The following TNKS variants were observed in gnomAD, a reference collection of about 807,000 sequenced individuals.
TNKS encodes the protein tankyrase.
A neutral mutation model predicts 135.8 loss-of-function variants in TNKS; 72 were observed. The observed-to-expected ratio is 0.53, with a 90% confidence interval of 0.44 to 0.64. The LOEUF (loss-of-function observed/expected upper bound fraction) is 0.64. Among genes scored for constraint, TNKS ranks in the 30% least tolerant of loss-of-function variants. The probability of loss-of-function intolerance (pLI) is 0.00; values close to 1 mark genes in which losing one functional copy is unlikely to be tolerated. For synonymous variants in TNKS, 849 were observed against 649.3 expected (o/e 1.31, Z -4.68); for missense variants, 1,769 against 1,674.0 (o/e 1.06, Z -0.99).
chr8:9,764,428 AATAAG>A lies in TNKS; in HGVS notation c.3373-279_3373-275del, dbSNP rs144989251. ...AATCAGAGTGTTAGTTCTTCTTCTCAATAAGATAAGATAGTAATTGTAGATGACTT... is the reference window on the plus strand; with the variant it reads ...AATCAGAGTGTTAGTTCTTCTTCTCAATAAGATAGTAATTGTAGATGACTT... On this transcript the variant is annotated intron_variant, in intron 22 of 26. Coordinates refer to ENST00000310430, the MANE Select transcript of TNKS (RefSeq NM_003747.3). Among the ~76,000 whole-genome samples the A allele has an allele frequency of 1.1e-3, 173 of 152,288 alleles. 1 individual carries two copies. Among genetic ancestry groups the A allele is most frequent in the African/African-American group, 4.0e-3 (168 of 41,572 alleles).
At chr8:9,562,172 T>C (rs1018523913) in intron 1 of TNKS, among the ~76,000 whole-genome samples, 4 of 152,070 alleles carry the variant, frequency 2.6e-5, no homozygotes, top group Non-Finnish European at 5.9e-5. Context: ...ACACTTCAGT[T>C]TTATTCAGTT....
At chr8:9,641,340 A>G (rs1800723924) in intron 3 of TNKS, among the ~76,000 whole-genome samples, 1 of 144,108 alleles carries the variant, frequency 6.9e-6, no homozygotes, top group Non-Finnish European at 1.5e-5. Flanking sequence ...TTCAGTATAT[A>G]AGGATAAAAA....
rs1808379096 is a variant in TNKS at position 9,779,595 on chromosome 8, T to G, written c.*2859T>G. 6.6e-6 allele frequency: 1 copy of G among 152,166 alleles called. No homozygotes were observed. Among genetic ancestry groups the G allele is most frequent in the Non-Finnish European group, 1.5e-5 (1 of 68,038 alleles). 9.4% of individuals were successfully genotyped at this position (152,166 alleles called of 1,614,324 possible). A position where few individuals can be genotyped will look rare whatever the true frequency, so the allele number is the denominator to read the frequency against. On this transcript the variant is annotated 3_prime_UTR_variant, in exon 27 of 27. Transcript: ENST00000310430. ...TCTCCCTGTATTTGACCTCCTTCCCTCTTTCCTAAATTACTAGTCTGGAAT... is the reference window on the plus strand; with the variant it reads ...TCTCCCTGTATTTGACCTCCTTCCCGCTTTCCTAAATTACTAGTCTGGAAT...
At chr8:9,599,661 A>C (rs1243790141) in intron 2 of TNKS, among the ~76,000 whole-genome samples, 4 of 152,198 alleles carry the variant, frequency 2.6e-5, no homozygotes, top group African/African-American at 7.2e-5. Context: ...CTGATTTTAC[A>C]AATGTATTGT....
At chr8:9,646,284 C>G (rs1286036727) in intron 3 of TNKS, among the ~76,000 whole-genome samples, 1 of 151,884 alleles carries the variant, frequency 6.6e-6, no homozygotes, top group Non-Finnish European at 1.5e-5. Flanking sequence ...TTAGTTCTTG[C>G]ATGTCTTTCT....
intron 3 of TNKS, among the ~76,000 whole-genome samples, chr8:9,616,018 A>G (rs1799632360): frequency 6.6e-6 from 1 of 152,156 alleles, no homozygotes; most frequent in Non-Finnish European, 1.5e-5. Context: ...GGGCATTTAT[A>G]TTACTATAAA....
chr8:9,617,195 G>A (rs554000545), intron 3 of TNKS, among the ~76,000 whole-genome samples: 1 of 152,274 alleles, frequency 6.6e-6, no homozygotes, highest in South Asian at 2.1e-4. Flanking sequence ...GAATTTCAGG[G>A]GAGATTATAT....
At position 9,779,685 on chromosome 8, in the gene TNKS, A is replaced by T. The variant is rs983727492; in HGVS notation, c.*2949A>T. On this transcript the variant is annotated 3_prime_UTR_variant, in exon 27 of 27. Coordinates refer to ENST00000310430, the MANE Select transcript of TNKS (RefSeq NM_003747.3). ...TTCTCCTCATCTTGGGTCTTAAAAA[A>T]GGAGACCAGATACCTCCTAGCTTTT... The T allele has an allele frequency of 6.6e-6, 1 of 152,224 alleles. No individual in the cohort carries two copies. Among genetic ancestry groups the T allele is most frequent in the Non-Finnish European group, 1.5e-5 (1 of 68,042 alleles). The allele number at this position is 152,224 out of a possible 1,614,324, so 9.4% of individuals were successfully genotyped here. A position where few individuals can be genotyped will look rare whatever the true frequency, so the allele number is the denominator to read the frequency against.
chr8:9,592,210 T>A (rs1194852887), intron 2 of TNKS, among the ~76,000 whole-genome samples: 1 of 152,244 alleles, frequency 6.6e-6, no homozygotes, highest in East Asian at 1.9e-4. Flanking sequence ...CTGAAATCTT[T>A]CCACAAACGA....
At chr8:9,735,634 AC>A in intron 17 of TNKS, 148 bp downstream of exon 17, 1 of 611,410 alleles carries the variant, frequency 1.6e-6, no homozygotes, top group South Asian at 2.0e-5. Flanking sequence ...CCCCGTCTCT[AC>A]TAAAAATACA....
intron 13 of TNKS, among the ~76,000 whole-genome samples, chr8:9,727,716 T>G (rs1341444049): frequency 6.6e-6 from 1 of 152,246 alleles, no homozygotes; most frequent in Non-Finnish European, 1.5e-5. Flanking sequence ...TTAGCATTCT[T>G]GATAACATAT....
At chr8:9,686,537 G>A (rs1158921051) in intron 5 of TNKS, among the ~76,000 whole-genome samples, 1 of 152,074 alleles carries the variant, frequency 6.6e-6, no homozygotes, top group Admixed American at 6.5e-5. Flanking sequence ...TATCTATTGG[G>A]CAAGAAAGAT....
intron 13 of TNKS, among the ~76,000 whole-genome samples, chr8:9,728,170 C>G (rs1805252867): frequency 6.6e-6 from 1 of 151,978 alleles, no homozygotes. Context: ...ACAGTGAAGG[C>G]CTAATTTATT....
At position 9,774,174 on chromosome 8, in the gene TNKS, T is replaced by G. The variant is rs146989134; in HGVS notation, c.3898-2476T>G. On this transcript the variant is annotated intron_variant, in intron 26 of 26. Coordinates refer to ENST00000310430, the MANE Select transcript of TNKS (RefSeq NM_003747.3). ...ATTTGTTTATGTTGTACTTTAAACT[T>G]CACATTAGACATGAAGGAGAGGTGT... 6.5e-3 allele frequency among the ~76,000 whole-genome samples: 993 copies of G among 152,340 alleles called. 6 individuals carry two copies. The highest frequency in any genetic ancestry group is 0.014 in the Middle Eastern group (4 of 294).
At chr8:9,592,440 C>T (rs754398382) in intron 2 of TNKS, among the ~76,000 whole-genome samples, 18 of 152,174 alleles carry the variant, frequency 1.2e-4, no homozygotes, top group Non-Finnish European at 2.5e-4. Flanking sequence ...GACTCAAAGA[C>T]TGGTCTTTAT....
At chr8:9,761,040 A>C (rs185979309) in intron 20 of TNKS, among the ~76,000 whole-genome samples, 1 of 152,168 alleles carries the variant, frequency 6.6e-6, no homozygotes, top group African/African-American at 2.4e-5. Flanking sequence ...AGCACTGAGA[A>C]GTTCTTCCTT....
chr8:9,761,794 C>T (rs551554254), intron 21 of TNKS, among the ~76,000 whole-genome samples, 158 bp downstream of exon 21: 5 of 152,324 alleles, frequency 3.3e-5, no homozygotes, highest in African/African-American at 7.2e-5. Context: ...CTCATGCTCC[C>T]TCTAGCTGGA....
rs1808440519 is a variant in TNKS, at chr8:9,781,088, A to T, written c.*4352A>T. The T allele has an allele frequency of 1.3e-5, 2 of 152,216 alleles. No homozygotes were observed. The highest frequency in any genetic ancestry group is 1.3e-4 in the Admixed American group (2 of 15,286). The allele number at this position is 152,216 out of a possible 1,614,324, so 9.4% of individuals were successfully genotyped here. ...TTTTATATACTTTGCACGACCAAAT[A>T]TGGTCGTAGTATGACGAGTTTTATA... On this transcript the variant is annotated 3_prime_UTR_variant, in exon 27 of 27. Coordinates refer to ENST00000310430, the MANE Select transcript of TNKS (RefSeq NM_003747.3).
At chr8:9,569,837 C>T (rs1342467099) in intron 1 of TNKS, among the ~76,000 whole-genome samples, 1 of 151,998 alleles carries the variant, frequency 6.6e-6, no homozygotes, top group African/African-American at 2.4e-5. Flanking sequence ...TTGTTAAAGT[C>T]ATTGTGAATA....
Sources: gnomAD v4.1 joint callset for allele counts (sites outside exome capture counted in the v4.1 genomes callset) on GRCh38, gnomAD v4.1.1 for gene constraint, MANE v1.5 for transcripts, NCBI Gene and HGNC (gene_info 2026-07-23, HGNC 2026-07-21) for gene names.